The following FGF12 variants were observed in gnomAD, a reference collection of about 807,000 sequenced individuals.
FGF12 encodes the protein fibroblast growth factor 12B.
In FGF12, 14 loss-of-function variants were observed where a neutral mutation model predicts 23.6. That is an observed-to-expected ratio of 0.59 (90% CI 0.39 to 0.93). The LOEUF is 0.93. Among genes scored for constraint, FGF12 ranks in the 40% least tolerant of loss-of-function variants. FGF12 has a pLI of 0.00. For missense variants in FGF12, 175 were observed against 217.8 expected (o/e 0.80, Z 1.24); for synonymous variants, 62 against 77.3 (o/e 0.80, Z 1.04).
intron 2 of FGF12, among the ~76,000 whole-genome samples, chr3:192,679,275 G>A (rs1454442843): frequency 6.6e-6 from 1 of 152,174 alleles, no homozygotes; most frequent in Admixed American, 6.5e-5. Context: ...TGACACGAAA[G>A]ATAAGCAGTT....
intron 4 of FGF12, among the ~76,000 whole-genome samples, chr3:192,260,161 T>C (rs1712657216): frequency 6.6e-6 from 1 of 152,184 alleles, no homozygotes; most frequent in Non-Finnish European, 1.5e-5. Context: ...CCTAGCAAAC[T>C]AGTTTTCCCT....
chr3:192,177,554 C>T (rs1370215410), intron 4 of FGF12, among the ~76,000 whole-genome samples: 2 of 152,182 alleles, frequency 1.3e-5, no homozygotes, highest in Non-Finnish European at 2.9e-5. Context: ...GATACCATAA[C>T]CATAATTCAT....
At chr3:192,537,542 T>C (rs1725253183) in intron 2 of FGF12, among the ~76,000 whole-genome samples, 1 of 152,238 alleles carries the variant, frequency 6.6e-6, no homozygotes, top group African/African-American at 2.4e-5. Flanking sequence ...AGCATTTCTC[T>C]GATAATCAGT....
intron 2 of FGF12, among the ~76,000 whole-genome samples, chr3:192,696,463 G>A (rs1718127016): frequency 6.6e-6 from 1 of 152,134 alleles, no homozygotes; most frequent in Non-Finnish European, 1.5e-5. Context: ...GAAAATAAGA[G>A]CAGGTGGGTT....
chr3:192,279,392 T>C (rs553322796), intron 4 of FGF12, among the ~76,000 whole-genome samples: 1 of 152,272 alleles, frequency 6.6e-6, no homozygotes, highest in South Asian at 2.1e-4. Flanking sequence ...TTGAATTGAA[T>C]GAACTGCCAG....
chr3:192,352,110 CTCT>C (rs1245265317), intron 3 of FGF12, among the ~76,000 whole-genome samples: 5 of 151,978 alleles, frequency 3.3e-5, no homozygotes, highest in Admixed American at 3.3e-4. Flanking sequence ...AGCCTTGACT[CTCT>C]TCAAGTAATT....
chr3:192,462,089 CAT>C (rs374322887), intron 2 of FGF12, among the ~76,000 whole-genome samples: 9 of 151,188 alleles, frequency 6.0e-5, no homozygotes, highest in African/African-American at 1.7e-4. Flanking sequence ...AAATTTAAAA[CAT>C]GTTTTTAAAA....
intron 2 of FGF12, among the ~76,000 whole-genome samples, chr3:192,466,376 A>G (rs898043934): frequency 3.3e-5 from 5 of 152,186 alleles, no homozygotes; most frequent in Admixed American, 6.5e-5. Flanking sequence ...TCCTCAGGAA[A>G]GCACTTAAAC....
chr3:192,558,152 A>G (rs1386023956), intron 2 of FGF12, among the ~76,000 whole-genome samples: 1 of 151,882 alleles, frequency 6.6e-6, no homozygotes, highest in Non-Finnish European at 1.5e-5. Flanking sequence ...TTCTCAAATA[A>G]CATGATTGCA....
At chr3:192,486,305 GT>G (rs375853198) in intron 2 of FGF12, among the ~76,000 whole-genome samples, 14 of 149,840 alleles carry the variant, frequency 9.3e-5, no homozygotes, top group Admixed American at 2.7e-4. Flanking sequence ...AAAGCAAATA[GT>G]TTTTTTTTTA....
At chr3:192,306,985 A>T (rs2108665895) in intron 4 of FGF12, among the ~76,000 whole-genome samples, 1 of 152,332 alleles carries the variant, frequency 6.6e-6, no homozygotes, top group South Asian at 2.1e-4. Context: ...CCTGTGAAAG[A>T]ATTAGATTTG....
At chr3:192,256,312 T>C (rs1201217471) in intron 4 of FGF12, among the ~76,000 whole-genome samples, 1 of 152,032 alleles carries the variant, frequency 6.6e-6, no homozygotes, top group African/African-American at 2.4e-5. Context: ...ACTTTTGCAA[T>C]AATTCATTGT....
chr3:192,196,213 T>A (rs1717060244), intron 4 of FGF12, among the ~76,000 whole-genome samples: 1 of 152,164 alleles, frequency 6.6e-6, no homozygotes, highest in African/African-American at 2.4e-5. Flanking sequence ...GCAGCACTAT[T>A]CACAATAAAC....
At chr3:192,405,468 G>A (rs112807488) in intron 2 of FGF12, among the ~76,000 whole-genome samples, 2 of 151,254 alleles carry the variant, frequency 1.3e-5, no homozygotes, top group African/African-American at 4.9e-5. Flanking sequence ...CTGGTCAATG[G>A]AACATGTGTC....
At chr3:192,469,286 G>C (rs147556824) in intron 2 of FGF12, among the ~76,000 whole-genome samples, 6 of 152,244 alleles carry the variant, frequency 3.9e-5, no homozygotes, top group South Asian at 2.1e-4. Context: ...GAGTGCCTCT[G>C]TTTCTACACC....
intron 4 of FGF12, among the ~76,000 whole-genome samples, chr3:192,218,519 G>A (rs1718313883): frequency 6.6e-6 from 1 of 152,054 alleles, no homozygotes; most frequent in Admixed American, 6.6e-5. Context: ...GCACCTCCCC[G>A]TCTCTCTCTT....
At chr3:192,274,624 T>C (rs1713664888) in intron 4 of FGF12, among the ~76,000 whole-genome samples, 2 of 151,900 alleles carry the variant, frequency 1.3e-5, no homozygotes, top group African/African-American at 4.8e-5. Context: ...GAAGAAATGG[T>C]TTCTACTTAC....
intron 2 of FGF12, among the ~76,000 whole-genome samples, chr3:192,574,751 A>G (rs987493520): frequency 6.6e-6 from 1 of 152,196 alleles, no homozygotes; most frequent in Non-Finnish European, 1.5e-5. Context: ...AATAATTGAG[A>G]CAGTAGATAA....
intron 2 of FGF12, among the ~76,000 whole-genome samples, chr3:192,492,749 A>C (rs1329478465): frequency 4.6e-5 from 7 of 152,094 alleles, no homozygotes; most frequent in Non-Finnish European, 7.4e-5. Context: ...AGGTGCAAGA[A>C]TTTCTAGTTT....
Sources: gnomAD v4.1 joint callset for allele counts (sites outside exome capture counted in the v4.1 genomes callset) on GRCh38, gnomAD v4.1.1 for gene constraint, MANE v1.5 for transcripts, NCBI Gene and HGNC (gene_info 2026-07-23, HGNC 2026-07-21) for gene names.